Variants in KCND2 observed in about 807,000 individuals in gnomAD.
KCND2 encodes A-type voltage-gated potassium channel KCND2.
In KCND2, 16 loss-of-function variants were observed where a neutral mutation model predicts 54.4. The ratio of observed to expected loss-of-function variants is 0.29; its 90% CI spans 0.20 to 0.45. KCND2 has a LOEUF of 0.45. Among genes scored for constraint, KCND2 ranks in the 20% least tolerant of loss-of-function variants. The pLI is 1.00. For missense variants in KCND2, 486 were observed against 824.2 expected, an observed-to-expected ratio of 0.59 and a Z score of 5.02; for synonymous variants, 317 against 310.7, an observed-to-expected ratio of 1.02 and a Z score of -0.21.
At chr7:120,364,678 G>A (rs970914383) in intron 1 of KCND2, among the ~76,000 whole-genome samples, 1 of 151,988 alleles carries the variant, frequency 6.6e-6, no homozygotes, top group African/African-American at 2.4e-5. Flanking sequence ...AAACATCAAG[G>A]GTAAGGAGGA....
chr7:120,687,844 A>G (rs371967358), intron 1 of KCND2, among the ~76,000 whole-genome samples: 44 of 152,198 alleles, frequency 2.9e-4, no homozygotes, highest in South Asian at 1.2e-3. Context: ...TGAAATAGGG[A>G]TTGAGATTTA....
intron 1 of KCND2, among the ~76,000 whole-genome samples, chr7:120,441,786 A>G (rs1383656751): frequency 6.6e-6 from 1 of 152,110 alleles, no homozygotes; most frequent in Non-Finnish European, 1.5e-5. Flanking sequence ...CTTATCGGAG[A>G]TAAAGAATGT....
rs893502237 is a variant in KCND2, at chr7:120,650,964, G to A, written c.1116-81939G>A. Among the ~76,000 whole-genome samples, 22 of 143,150 alleles carry A rather than the reference G, an allele frequency of 1.5e-4. 6 individuals are homozygous for A. The highest frequency in any genetic ancestry group is 5.2e-4 in the African/African-American group (19 of 36,404). The allele number at this position is 143,150 out of a possible 152,430, so 93.9% of individuals were successfully genotyped here. ...GAACAGCAAACGTTGCCACCTGATC[G>A]TTCCTCTGGAAGCTTCATCTCAGAG... On this transcript the variant is annotated intron_variant, in intron 1 of 5. Transcript: ENST00000331113.
chr7:120,331,388 A>G (rs1379629650), intron 1 of KCND2, among the ~76,000 whole-genome samples: 4 of 152,026 alleles, frequency 2.6e-5, no homozygotes, highest in African/African-American at 7.2e-5. Context: ...TTTGAAAAAC[A>G]AATTCTTTTT....
At chr7:120,426,926 A>G (rs1801717038) in intron 1 of KCND2, among the ~76,000 whole-genome samples, 1 of 152,004 alleles carries the variant, frequency 6.6e-6, no homozygotes, top group Non-Finnish European at 1.5e-5. Flanking sequence ...GGCCCAACGT[A>G]CTTTTTATTG....
At chr7:120,495,123 G>T (rs1802831482) in intron 1 of KCND2, among the ~76,000 whole-genome samples, 1 of 151,924 alleles carries the variant, frequency 6.6e-6, no homozygotes, top group African/African-American at 2.4e-5. Context: ...AAGATGTAAG[G>T]TTTTTTTAAT....
At chr7:120,682,888 G>A (rs1792157470) in intron 1 of KCND2, among the ~76,000 whole-genome samples, 1 of 152,094 alleles carries the variant, frequency 6.6e-6, no homozygotes, top group African/African-American at 2.4e-5. Context: ...GTTTGTTGGT[G>A]ATATTCCTAC....
rs879791109 is a variant in KCND2, at chr7:120,638,173, A to G, written c.1116-94730A>G. On this transcript the variant is annotated intron_variant, in intron 1 of 5. Transcript: ENST00000331113. ...ACATGTGCTGGTAAAAAGGATCTTT[A>G]CTACATGCTCACGAGATGTTTTTAT... Among the ~76,000 whole-genome samples the G allele has an allele frequency of 2.8e-4, 43 of 152,136 alleles. 1 individual carries two copies. The highest frequency in any genetic ancestry group is 2.7e-3 in the Admixed American group (41 of 15,254).
chr7:120,478,380 T>C (rs938099068), intron 1 of KCND2, among the ~76,000 whole-genome samples: 1 of 152,090 alleles, frequency 6.6e-6, no homozygotes, highest in African/African-American at 2.4e-5. Context: ...CACTTAGTCA[T>C]ACTACCTATA....
rs869059871 is a variant in KCND2 at position 120,712,241 on chromosome 7, A to ATTTTTTTTTTTTTTTTTTTTTTTTTTTT, written c.1116-20649_1116-20622dup. Reference sequence around the variant, plus strand: ...TTTTCTTTGAATTTTGGATATCTGAATTTTTTTTTTTTTTTTTTTTTTTTT... The same window carrying ATTTTTTTTTTTTTTTTTTTTTTTTTTTT: ...TTTTCTTTGAATTTTGGATATCTGAATTTTTTTTTTTTTTTTTTTTTTTTTTTTTTTTTTTTTTTTTTTTTTTTTTTTT... On this transcript the variant is annotated intron_variant, in intron 1 of 5. Coordinates refer to ENST00000331113, the MANE Select transcript of KCND2 (RefSeq NM_012281.3). Among the ~76,000 whole-genome samples the ATTTTTTTTTTTTTTTTTTTTTTTTTTTT allele has an allele frequency of 8.6e-5, 3 of 34,762 alleles. 1 individual carries two copies. The highest frequency in any genetic ancestry group is 5.3e-5 in the Non-Finnish European group (1 of 18,964). 22.8% of individuals were successfully genotyped at this position (34,762 alleles called of 152,430 possible). A position where few individuals can be genotyped will look rare whatever the true frequency, so the allele number is the denominator to read the frequency against.
chr7:120,746,432 G>T (rs1793008354), intron 5 of KCND2, among the ~76,000 whole-genome samples: 1 of 152,068 alleles, frequency 6.6e-6, no homozygotes, highest in African/African-American at 2.4e-5. Context: ...TGAACAGCAT[G>T]TAAAAATATA....
intron 1 of KCND2, among the ~76,000 whole-genome samples, chr7:120,453,244 C>T (rs1802142621): frequency 6.6e-6 from 1 of 152,216 alleles, no homozygotes. Context: ...CCACCACTAC[C>T]AGAATGAGCA....
chr7:120,506,959 A>G (rs955545700), intron 1 of KCND2, among the ~76,000 whole-genome samples: 13 of 151,850 alleles, frequency 8.6e-5, no homozygotes, highest in African/African-American at 2.9e-4. Flanking sequence ...GAAAGAGCCA[A>G]GGATTGTATT....
intron 1 of KCND2, among the ~76,000 whole-genome samples, chr7:120,497,953 ATAAAG>A (rs1233614622): frequency 1.9e-4 from 29 of 152,274 alleles, no homozygotes; most frequent in African/African-American, 6.0e-4. Flanking sequence ...ACGCATTAAA[ATAAAG>A]TATTTAAAAA....
intron 1 of KCND2, among the ~76,000 whole-genome samples, chr7:120,321,091 A>G (rs1799888110): frequency 6.6e-6 from 1 of 152,152 alleles, no homozygotes. Flanking sequence ...TTTGTAAATT[A>G]ATCCATTCAA....
chr7:120,499,399 C>T (rs802348), intron 1 of KCND2, among the ~76,000 whole-genome samples: 43,884 of 151,896 alleles, frequency 0.29, 9,009 homozygotes, highest in African/African-American at 0.57. Flanking sequence ...CAGAAAACCA[C>T]GTATTTTTTT....
intron 1 of KCND2, among the ~76,000 whole-genome samples, chr7:120,611,735 A>G (rs1350938834): frequency 6.6e-6 from 1 of 152,174 alleles, no homozygotes; most frequent in Non-Finnish European, 1.5e-5. Flanking sequence ...TCTCCTGATA[A>G]AGTGACCTTT....
chr7:120,699,058 A>G (rs922422145), intron 1 of KCND2, among the ~76,000 whole-genome samples: 1 of 152,116 alleles, frequency 6.6e-6, no homozygotes, highest in African/African-American at 2.4e-5. Context: ...AGGTGGGCGG[A>G]TCATGAGGTC....
intron 1 of KCND2, among the ~76,000 whole-genome samples, chr7:120,461,091 G>T (rs1485218623): frequency 6.6e-6 from 1 of 152,124 alleles, no homozygotes; most frequent in Non-Finnish European, 1.5e-5. Flanking sequence ...ACAAGACAAT[G>T]TGCTGCCTAT....
Sources: allele counts gnomAD v4.1 joint callset (sites outside exome capture counted in the v4.1 genomes callset), GRCh38; gene constraint gnomAD v4.1.1; transcripts MANE v1.5; gene names NCBI Gene and HGNC (gene_info 2026-07-23, HGNC 2026-07-21).